KCNC2: variants seen among roughly 807,000 people sequenced by gnomAD.
The protein encoded by KCNC2 is voltage-gated potassium channel KCNC2.
In KCNC2, 21 loss-of-function variants were observed where a neutral mutation model predicts 44.5. The ratio of observed to expected loss-of-function variants is 0.47; its 90% CI spans 0.33 to 0.68. The LOEUF is 0.68. Ranked by LOEUF, KCNC2 falls within the 30% of genes least tolerant of loss-of-function variation. KCNC2 has a pLI of 0.01. For synonymous variants in KCNC2, 391 were observed against 339.1 expected (o/e 1.15, Z -1.68); for missense variants, 589 against 826.2 (o/e 0.71, Z 3.52).
intron 2 of KCNC2, among the ~76,000 whole-genome samples, chr12:75,157,752 G>A (rs1287370968): frequency 6.6e-6 from 1 of 151,898 alleles, no homozygotes; most frequent in African/African-American, 2.4e-5. Flanking sequence ...ATGAGACTCT[G>A]AATGACTACT....
In KCNC2 at chr12:75,046,418, C is replaced by T. The variant is rs114956312; in HGVS notation, c.1780+1735G>A. 8.4e-3 allele frequency among the ~76,000 whole-genome samples: 1,274 copies of T among 151,760 alleles called. 18 individuals are homozygous for T. Among genetic ancestry groups the T allele is most frequent in the African/African-American group, 0.029 (1,208 of 41,506 alleles). ...GACAGTTTAAAACTCAAAACATTGT[C>T]TAACATAGAAGAAAAACATTCTAGA... is the stretch of plus-strand genomic sequence containing the variant. On this transcript the variant is annotated intron_variant, in intron 4 of 4. Coordinates refer to ENST00000549446, the MANE Select transcript of KCNC2 (RefSeq NM_139137.4).
intron 2 of KCNC2, among the ~76,000 whole-genome samples, chr12:75,198,297 T>C (rs2030949374): frequency 6.6e-6 from 1 of 151,890 alleles, no homozygotes; most frequent in African/African-American, 2.4e-5. Context: ...CATCCACTAA[T>C]TATTTTAGAT....
intron 2 of KCNC2, among the ~76,000 whole-genome samples, chr12:75,189,685 C>A (rs1329879843): frequency 6.6e-6 from 1 of 152,140 alleles, no homozygotes; most frequent in African/African-American, 2.4e-5. Context: ...CTCCTCTGTA[C>A]CACTTGATCT....
intron 2 of KCNC2, among the ~76,000 whole-genome samples, chr12:75,121,130 T>C (rs181928035): frequency 6.6e-6 from 1 of 152,330 alleles, no homozygotes; most frequent in Non-Finnish European, 1.5e-5. Flanking sequence ...ATCTCACTCC[T>C]ATTTCCTAAT....
chr12:75,073,233 T>G (rs1200927266), intron 2 of KCNC2, among the ~76,000 whole-genome samples: 1 of 152,166 alleles, frequency 6.6e-6, no homozygotes, highest in Non-Finnish European at 1.5e-5. Flanking sequence ...ACAATAATAT[T>G]GATAATAATG....
chr12:75,086,671 A>ATATATAT (rs1169816045), intron 2 of KCNC2, among the ~76,000 whole-genome samples: 1 of 89,394 alleles, frequency 1.1e-5, no homozygotes, highest in African/African-American at 4.9e-5. Context: ...AAAAAAAAAA[A>ATATATAT]AAAAAAAAAA....
chr12:75,170,758 C>G (rs971959928), intron 2 of KCNC2, among the ~76,000 whole-genome samples: 3 of 151,660 alleles, frequency 2.0e-5, no homozygotes, highest in African/African-American at 7.3e-5. Context: ...TCAACAGCTC[C>G]CATATTTGAA....
intron 2 of KCNC2, among the ~76,000 whole-genome samples, chr12:75,104,306 A>G (rs1234711026): frequency 6.6e-6 from 1 of 152,196 alleles, no homozygotes; most frequent in Non-Finnish European, 1.5e-5. Flanking sequence ...CCCAAGTAGA[A>G]TGGAGCAGGA....
rs771184142 is a variant in KCNC2, at chr12:75,207,393, C to T, written c.591G>A (p.Gly197=). The change falls in exon 2 of 5, where the codon GGG becomes GGA. Residue 197 remains glycine (G), a synonymous_variant. Coordinates refer to ENST00000549446, the MANE Select transcript of KCNC2 (RefSeq NM_139137.4). The surrounding 1 kb of genome is among the most constrained non-coding windows in gnomAD (Gnocchi z 4.1). ...CAGATTTGCCGTCGGGGCCCCCGAG[C>T]CCCGCCGCGTCCTCGATGCCCAGCC... The part of the protein sequence containing the change: ...AKRLGIEDAA[G]LGGPDGKSGR... 48 of 1,587,100 alleles carry T rather than the reference C, an allele frequency of 3.0e-5. No homozygotes were observed. The highest frequency in any genetic ancestry group is 1.1e-4 in the Admixed American group (6 of 55,658).
At chr12:75,173,462 A>G (rs1263821608) in intron 2 of KCNC2, among the ~76,000 whole-genome samples, 1 of 151,838 alleles carries the variant, frequency 6.6e-6, no homozygotes, top group East Asian at 1.9e-4. Flanking sequence ...CCACTACTCC[A>G]TAGTTCCTCA....
intron 2 of KCNC2, among the ~76,000 whole-genome samples, chr12:75,083,913 A>G (rs992545768): frequency 2.0e-5 from 3 of 151,952 alleles, no homozygotes; most frequent in Non-Finnish European, 2.9e-5. Flanking sequence ...CTTTCAATAA[A>G]CTCAAGGAAT....
Position 75,207,259 on chromosome 12 carries a change from A to T in KCNC2, c.687+38T>A, listed in dbSNP as rs183627676. The T allele has an allele frequency of 4.6e-6, 7 of 1,509,478 alleles. No homozygotes were observed. In the Admixed American group the frequency reaches 1.9e-4, roughly 40 times the overall value. The allele number at this position is 1,509,478 out of a possible 1,614,324, so 93.5% of individuals were successfully genotyped here. ...GAAAGTTGGGGAGGGAGTTGGGAGAAGTTGAAGCAGCAGGGAAGGGGTCGA... is the reference window on the plus strand; with the variant it reads ...GAAAGTTGGGGAGGGAGTTGGGAGATGTTGAAGCAGCAGGGAAGGGGTCGA... On this transcript the variant is annotated intron_variant, in intron 2 of 4. Transcript: ENST00000549446. This position sits in a 1 kb window ranked among gnomAD's most constrained non-coding sequence, Gnocchi z 4.1.
chr12:75,136,085 A>G (rs1889209804), intron 2 of KCNC2, among the ~76,000 whole-genome samples: 1 of 151,846 alleles, frequency 6.6e-6, no homozygotes, highest in Non-Finnish European at 1.5e-5. Flanking sequence ...GTCCACTATA[A>G]CCTCCTCTAC....
Position 75,135,183 on chromosome 12 carries a change from G to A in KCNC2, c.687+72114C>T, listed in dbSNP as rs1010719227. 2.6e-5 allele frequency among the ~76,000 whole-genome samples: 4 copies of A among 151,586 alleles called. No individual in the cohort carries two copies. The East Asian group carries it at 5.8e-4, about 22-fold the overall frequency. The stretch of plus-strand genomic sequence containing the variant: ...ACATAGCAAATGTGAATAAGTTCAG[G>A]ACAAAGCAGATGGAGAATAGCAGGG... On this transcript the variant is annotated intron_variant, in intron 2 of 4. Transcript: ENST00000549446.
chr12:75,190,516 C>G (rs560152212), intron 2 of KCNC2, among the ~76,000 whole-genome samples: 4 of 152,110 alleles, frequency 2.6e-5, no homozygotes, highest in Non-Finnish European at 5.9e-5. Context: ...TGTTTCTATC[C>G]TCTTTGTTTG....
intron 2 of KCNC2, among the ~76,000 whole-genome samples, chr12:75,088,997 A>C (rs1318482676): frequency 6.6e-6 from 1 of 151,938 alleles, no homozygotes; most frequent in African/African-American, 2.4e-5. Flanking sequence ...AGTGAACAAG[A>C]AAATGCATAT....
At chr12:75,208,102 T>G in intron 1 of KCNC2, 100 bp from the exon 2 acceptor site, 1 of 1,423,000 alleles carries the variant, frequency 7.0e-7, no homozygotes, top group Admixed American at 2.1e-5. Flanking sequence ...GGATGCAGAG[T>G]TGGCAGACAG....
chr12:75,056,104 C>T (rs985702500), intron 2 of KCNC2, among the ~76,000 whole-genome samples: 1 of 152,034 alleles, frequency 6.6e-6, no homozygotes, highest in African/African-American at 2.4e-5. Context: ...GAGACTTAAA[C>T]ATTCTATCCC....
chr12:75,156,360 A>C (rs552972666), intron 2 of KCNC2, among the ~76,000 whole-genome samples: 1 of 151,940 alleles, frequency 6.6e-6, no homozygotes, highest in East Asian at 1.9e-4. Flanking sequence ...ATGCCACTGA[A>C]ATTGAATTTT....
Sources: gnomAD v4.1 joint callset for allele counts (sites outside exome capture counted in the v4.1 genomes callset) on GRCh38, gnomAD v4.1.1 for gene constraint, Gnocchi (gnomAD v3.1) non-coding constraint, MANE v1.5 for transcripts, NCBI Gene and HGNC (gene_info 2026-07-23, HGNC 2026-07-21) for gene names.